Variants in NVL observed in about 807,000 individuals in gnomAD.
NVL encodes nuclear VCP like.
A neutral mutation model predicts 110.2 loss-of-function variants in NVL; 84 were observed. That is an observed-to-expected ratio of 0.76 (90% CI 0.64 to 0.91). The LOEUF is 0.91. Ranked by LOEUF, NVL falls within the 40% of genes least tolerant of loss-of-function variation. The pLI, the probability that NVL is intolerant of heterozygous loss-of-function variation, is 0.00. For missense variants in NVL, 882 were observed against 1,035.9 expected, an observed-to-expected ratio of 0.85 and a Z score of 2.04; for synonymous variants, 354 against 361.1, an observed-to-expected ratio of 0.98 and a Z score of 0.22.
At chr1:224,288,845 A>C (rs758094977) in intron 13 of NVL, among the ~76,000 whole-genome samples, 17 of 152,328 alleles carry the variant, frequency 1.1e-4, no homozygotes, top group Middle Eastern at 6.8e-3. Context: ...ATATATATTG[A>C]ATTTTCATGA....
chr1:224,229,199 A>T (rs1050892172), intron 22 of NVL, among the ~76,000 whole-genome samples: 14 of 151,538 alleles, frequency 9.2e-5, no homozygotes, highest in Non-Finnish European at 7.4e-5. Flanking sequence ...GGGAGGCTGA[A>T]GCAGGAGAAT....
chr1:224,254,236 G>A (rs4654011), intron 18 of NVL, among the ~76,000 whole-genome samples: 128,164 of 151,616 alleles, frequency 0.85, 56,033 homozygotes, highest in Non-Finnish European at 0.94. Flanking sequence ...GGGATTACAG[G>A]TGACCACCAC....
intron 2 of NVL, among the ~76,000 whole-genome samples, chr1:224,322,276 A>G (rs1448614064): frequency 1.4e-5 from 2 of 147,688 alleles, no homozygotes; most frequent in Admixed American, 1.3e-4. Flanking sequence ...TAGAGACAGA[A>G]TCTTGCTATG....
chr1:224,270,896 T>TGGTG (rs1359894220), intron 17 of NVL, among the ~76,000 whole-genome samples: 1 of 152,188 alleles, frequency 6.6e-6, no homozygotes, highest in South Asian at 2.1e-4. Context: ...CACACACTGT[T>TGGTG]GGTGGGCACA....
intron 20 of NVL, among the ~76,000 whole-genome samples, chr1:224,234,709 T>C (rs994687192): frequency 2.0e-5 from 3 of 152,180 alleles, no homozygotes; most frequent in Non-Finnish European, 2.9e-5. Context: ...TCCCATACTA[T>C]GAAATCTAAC....
chr1:224,244,194 C>G (rs1368585110), intron 19 of NVL, among the ~76,000 whole-genome samples: 1 of 150,978 alleles, frequency 6.6e-6, no homozygotes, highest in African/African-American at 2.4e-5. Flanking sequence ...ATGGAAAAAC[C>G]CTGTCTCTAC....
At chr1:224,235,567 C>T (rs986960338) in intron 20 of NVL, among the ~76,000 whole-genome samples, 2 of 151,988 alleles carry the variant, frequency 1.3e-5, no homozygotes, top group African/African-American at 4.8e-5. Flanking sequence ...TGCCCCTCAC[C>T]ACCCCTGCCT....
At chr1:224,316,790 A>G (rs1670122893) in intron 4 of NVL, among the ~76,000 whole-genome samples, 1 of 152,114 alleles carries the variant, frequency 6.6e-6, no homozygotes, top group South Asian at 2.1e-4. Flanking sequence ...GCTTATGGTG[A>G]TAGTTCAGTG....
At chr1:224,254,877 G>GT (rs34538115) in intron 18 of NVL, among the ~76,000 whole-genome samples, 48 of 94,898 alleles carry the variant, frequency 5.1e-4, no homozygotes, top group African/African-American at 1.0e-3. Context: ...AAATGGTGTA[G>GT]TTTTTTTTTT....
intron 2 of NVL, among the ~76,000 whole-genome samples, chr1:224,324,032 G>A (rs1670910079): frequency 2.0e-5 from 3 of 152,130 alleles, no homozygotes; most frequent in South Asian, 4.1e-4. Context: ...TTTTCATTGT[G>A]TGAAAACAAA....
rs962499515 is a variant in NVL, at chr1:224,290,558, T to C, written c.1326-825A>G. The stretch of plus-strand genomic sequence containing the variant: ...GGCTCACACCTTGTAATCCCAGCAC[T>C]TTGGGAGGCCGAGGCAGGCAGATCA... On this transcript the variant is annotated intron_variant, in intron 12 of 22. Coordinates refer to ENST00000281701, the MANE Select transcript of NVL (RefSeq NM_002533.4). 2.0e-5 allele frequency among the ~76,000 whole-genome samples: 3 copies of C among 151,972 alleles called. No individual in the cohort carries two copies. The East Asian group carries it at 5.8e-4, about 29-fold the overall frequency.
rs1351829474 is a variant in NVL at position 224,284,059 on chromosome 1, T to A, written c.1899+1967A>T. Among the ~76,000 whole-genome samples, 3 of 152,184 alleles carry A rather than the reference T, an allele frequency of 2.0e-5. No homozygotes were observed. In the South Asian group the frequency reaches 6.2e-4, roughly 31 times the overall value. ...TGATAAGGGTTAGTTATGGATGTAA[T>A]ATTATACAGACACTAAAAATGATGG... On this transcript the variant is annotated intron_variant, in intron 15 of 22. Coordinates refer to ENST00000281701, the MANE Select transcript of NVL (RefSeq NM_002533.4).
At chr1:224,319,431 C>T (rs1670433978) in intron 2 of NVL, among the ~76,000 whole-genome samples, 1 of 151,894 alleles carries the variant, frequency 6.6e-6, no homozygotes, top group Admixed American at 6.6e-5. Context: ...CCTCAGCCTC[C>T]TGAGTAGCTG....
chr1:224,263,372 TC>T (rs1430977883), intron 18 of NVL, among the ~76,000 whole-genome samples: 1 of 152,228 alleles, frequency 6.6e-6, no homozygotes. Flanking sequence ...TAGTAGGTGC[TC>T]CAAGAACCTA....
intron 22 of NVL, among the ~76,000 whole-genome samples, chr1:224,229,588 G>T (rs955190204): frequency 6.0e-5 from 9 of 151,232 alleles, no homozygotes; most frequent in African/African-American, 2.2e-4. Flanking sequence ...GTGCGCAGTA[G>T]CTGGGACTAC....
At chr1:224,304,623 T>C (rs974778973) in intron 8 of NVL, 113 bp downstream of exon 8, 2 of 888,212 alleles carry the variant, frequency 2.3e-6, no homozygotes, top group Non-Finnish European at 3.6e-6. Context: ...TTCTCAACCT[T>C]CCCAGTTTCC....
intron 18 of NVL, among the ~76,000 whole-genome samples, chr1:224,266,936 G>C (rs1664554683): frequency 6.6e-6 from 1 of 152,212 alleles, no homozygotes; most frequent in African/African-American, 2.4e-5. Flanking sequence ...ATGATGGTCA[G>C]CAAGATAAAG....
At chr1:224,235,244 T>C (rs1305614602) in intron 20 of NVL, among the ~76,000 whole-genome samples, 1 of 152,236 alleles carries the variant, frequency 6.6e-6, no homozygotes, top group Non-Finnish European at 1.5e-5. Context: ...CTCAGCTCAC[T>C]GCAACCTCCA....
chr1:224,244,475 C>T (rs1008936613), intron 19 of NVL, among the ~76,000 whole-genome samples: 1 of 151,968 alleles, frequency 6.6e-6, no homozygotes, highest in African/African-American at 2.4e-5. Context: ...GTATATGGCT[C>T]GCTCTTTTTT....
Sources: gnomAD v4.1 joint callset for allele counts (sites outside exome capture counted in the v4.1 genomes callset) on GRCh38, gnomAD v4.1.1 for gene constraint, MANE v1.5 for transcripts, NCBI Gene and HGNC (gene_info 2026-07-23, HGNC 2026-07-21) for gene names.